Variants in NREP observed in about 807,000 individuals in gnomAD.
NREP encodes neuronal regeneration-related protein.
NREP carries 5 observed loss-of-function variants against 8.6 expected under a neutral mutation model. The ratio of observed to expected loss-of-function variants is 0.58; its 90% CI spans 0.30 to 1.22. The LOEUF is 1.22. NREP is among the 50% of genes most tolerant of loss of function. The pLI, the probability that NREP is intolerant of heterozygous loss-of-function variation, is 0.07. For missense variants in NREP, 86 were observed against 82.5 expected (o/e 1.04, Z -0.17); for synonymous variants, 27 against 28.0 (o/e 0.96, Z 0.11).
chr5:111,815,896 G>A (rs1434944471), intron 2 of NREP, among the ~76,000 whole-genome samples: 1 of 152,064 alleles, frequency 6.6e-6, no homozygotes, highest in Non-Finnish European at 1.5e-5. Context: ...TAAGGTCCAA[G>A]AAAACCACAT....
chr5:111,925,582 A>C (rs1755363075), intron 2 of NREP, among the ~76,000 whole-genome samples: 1 of 152,144 alleles, frequency 6.6e-6, no homozygotes, highest in South Asian at 2.1e-4. Flanking sequence ...TTCTTCTAAT[A>C]TCAGGGGCTG....
chr5:111,934,044 G>C (rs1755615071), intron 2 of NREP, among the ~76,000 whole-genome samples: 1 of 152,072 alleles, frequency 6.6e-6, no homozygotes, highest in Non-Finnish European at 1.5e-5. Context: ...ACAGAAAGCA[G>C]AGGCTTTTAA....
At position 111,729,831 on chromosome 5, in the gene NREP, A is replaced by AAAG. The variant is rs1283455784; in HGVS notation, c.*1087_*1089dup. On this transcript the variant is annotated 3_prime_UTR_variant, in exon 4 of 4. Transcript: ENST00000257435. ...AAAAAAGAATGCTCTGCCTTTTAAA[A>AAAG]AAGTATCATGATTTTGTAGACCTTG... The AAAG allele has an allele frequency of 6.5e-6, 1 of 152,764 alleles. No individual in the cohort carries two copies. The highest frequency in any genetic ancestry group is 1.9e-4 in the East Asian group (1 of 5,188). The allele number at this position is 152,764 out of a possible 1,614,324, so 9.5% of individuals were successfully genotyped here. A position where few individuals can be genotyped will look rare whatever the true frequency, so the allele number is the denominator to read the frequency against.
intron 1 of NREP, 85 bp downstream of exon 1, chr5:111,757,051 G>C (rs931611883): frequency 9.9e-6 from 2 of 202,262 alleles, no homozygotes; most frequent in Non-Finnish European, 1.8e-5. Flanking sequence ...CAGGGTTGAA[G>C]GGTCCAGCTA....
intron 2 of NREP, among the ~76,000 whole-genome samples, chr5:111,817,804 CAA>C (rs145517030): frequency 2.3e-4 from 13 of 56,420 alleles, no homozygotes; most frequent in African/African-American, 4.4e-4. Flanking sequence ...GACTTCATCT[CAA>C]AAAAAAAAAA....
chr5:111,881,607 C>A (rs557606820), intron 2 of NREP, among the ~76,000 whole-genome samples: 1 of 152,266 alleles, frequency 6.6e-6, no homozygotes, highest in Admixed American at 6.5e-5. Context: ...ACACCTCACA[C>A]GACCGGGTAC....
At chr5:111,762,661 A>G (rs1043779539), upstream of NREP, among the ~76,000 whole-genome samples, 21 of 152,200 alleles carry the variant, frequency 1.4e-4, no homozygotes, top group Admixed American at 6.5e-5. Flanking sequence ...AGATGTGGGA[A>G]GAAACACATC....
intron 2 of NREP, among the ~76,000 whole-genome samples, chr5:111,874,914 C>G (rs771234963): frequency 6.6e-6 from 1 of 152,158 alleles, no homozygotes; most frequent in Non-Finnish European, 1.5e-5. Context: ...GCTAGGATAT[C>G]TGAAATCACA....
chr5:111,958,085 A>G (rs1756375192), intron 2 of NREP, among the ~76,000 whole-genome samples: 1 of 152,074 alleles, frequency 6.6e-6, no homozygotes, highest in South Asian at 2.1e-4. Flanking sequence ...AAGCATTCCC[A>G]TGAAAGCAAG....
At chr5:111,875,096 G>A (rs1217641546) in intron 2 of NREP, among the ~76,000 whole-genome samples, 1 of 152,120 alleles carries the variant, frequency 6.6e-6, no homozygotes, top group Non-Finnish European at 1.5e-5. Context: ...CAAAAATGGG[G>A]ATAAGCAGTG....
intron 2 of NREP, among the ~76,000 whole-genome samples, chr5:111,923,348 T>C (rs1755298729): frequency 6.6e-6 from 1 of 152,178 alleles, no homozygotes; most frequent in Non-Finnish European, 1.5e-5. Flanking sequence ...CTGGATTTTC[T>C]AGGGGAATTT....
chr5:111,841,726 G>C (rs1009465883), intron 2 of NREP, among the ~76,000 whole-genome samples: 1 of 152,066 alleles, frequency 6.6e-6, no homozygotes, highest in East Asian at 1.9e-4. Flanking sequence ...TTTTCTTAGT[G>C]GGAGGCCTTA....
chr5:111,892,005 G>A (rs7709592), intron 2 of NREP, among the ~76,000 whole-genome samples: 59,524 of 152,030 alleles, frequency 0.39, 14,157 homozygotes, highest in Non-Finnish European at 0.54. Context: ...AAGTAGAGGA[G>A]TGAATGCATT....
chr5:111,734,909 A>G (rs986354514), intron 3 of NREP: 7 of 428,464 alleles, frequency 1.6e-5, no homozygotes, highest in Admixed American at 4.1e-5. Context: ...AATTTTACAA[A>G]TTTTCTTGAG....
rs148010158 is a variant in NREP, at chr5:111,931,414, G to A, written c.135+43860C>T. Among the ~76,000 whole-genome samples the A allele has an allele frequency of 9.6e-4, 146 of 152,210 alleles. 2 individuals are homozygous for A. The highest frequency in any genetic ancestry group is 3.4e-3 in the African/African-American group (140 of 41,550). ...TGAGGACACCCAAACAACCTAAGGC[G>A]AGGCCCACATGGTGTGGAGTTTAGT... On this transcript the variant is annotated intron_variant, in intron 2 of 3. Transcript: ENST00000395634.
At chr5:111,933,310 T>G (rs965086793) in intron 2 of NREP, among the ~76,000 whole-genome samples, 10 of 152,264 alleles carry the variant, frequency 6.6e-5, no homozygotes, top group Middle Eastern at 6.8e-3. Context: ...ACAGATTATT[T>G]TCCTTAGTCA....
In NREP at chr5:111,754,056, T is replaced by C. The variant is rs533105486; in HGVS notation, c.3+1714A>G. On this transcript the variant is annotated intron_variant, in intron 2 of 3. Transcript: ENST00000257435. Reference sequence around the variant, plus strand: ...GCAATGGGCTTGTGCCAAAAGGGACTGACATCTTGATGAAAGGATCACCAA... The same window carrying C: ...GCAATGGGCTTGTGCCAAAAGGGACCGACATCTTGATGAAAGGATCACCAA... Among the ~76,000 whole-genome samples the C allele has an allele frequency of 2.6e-5, 4 of 152,350 alleles. No homozygotes were observed. The South Asian group carries it at 8.3e-4, about 32-fold the overall frequency.
At chr5:111,800,196 G>A (rs1157736267) in intron 2 of NREP, among the ~76,000 whole-genome samples, 3 of 151,618 alleles carry the variant, frequency 2.0e-5, no homozygotes, top group Non-Finnish European at 4.4e-5. Flanking sequence ...CCAAAGTGTT[G>A]GGATTACAGG....
chr5:111,911,870 T>C (rs903746075), intron 2 of NREP, among the ~76,000 whole-genome samples: 1 of 152,130 alleles, frequency 6.6e-6, no homozygotes, highest in African/African-American at 2.4e-5. Flanking sequence ...TGCTGAGCCA[T>C]ATACACACAG....
Sources: allele counts gnomAD v4.1 joint callset (sites outside exome capture counted in the v4.1 genomes callset), GRCh38; gene constraint gnomAD v4.1.1; transcripts MANE v1.5; gene names NCBI Gene and HGNC (gene_info 2026-07-23, HGNC 2026-07-21).